CNTNAP5: variants seen among roughly 807,000 people sequenced by gnomAD.
The protein encoded by CNTNAP5 is contactin-associated protein-like 5.
A neutral mutation model predicts 150.2 loss-of-function variants in CNTNAP5; 72 were observed. That is an observed-to-expected ratio of 0.48 (90% CI 0.40 to 0.58). The LOEUF is 0.58. CNTNAP5 is among the 20% of genes least tolerant of loss of function. CNTNAP5 has a pLI of 0.00. For synonymous variants in CNTNAP5, 672 were observed against 619.8 expected, an observed-to-expected ratio of 1.08 and a Z score of -1.25; for missense variants, 1,636 against 1,626.2, an observed-to-expected ratio of 1.01 and a Z score of -0.10.
chr2:124,080,435 G>A (rs1022363598), intron 1 of CNTNAP5, among the ~76,000 whole-genome samples: 14 of 152,058 alleles, frequency 9.2e-5, no homozygotes, highest in East Asian at 1.9e-4. Context: ...TATACCTTCC[G>A]GCTCAGAAAG....
chr2:124,314,268 A>G (rs1688905265), intron 3 of CNTNAP5, among the ~76,000 whole-genome samples: 1 of 152,156 alleles, frequency 6.6e-6, no homozygotes, highest in Non-Finnish European at 1.5e-5. Flanking sequence ...TCCGTGTTTC[A>G]CAACCTGCAG....
chr2:124,621,025 G>A (rs1036397277), intron 12 of CNTNAP5, among the ~76,000 whole-genome samples: 1 of 152,030 alleles, frequency 6.6e-6, no homozygotes, highest in Non-Finnish European at 1.5e-5. Context: ...TTTCTGCTGG[G>A]ACTCCTTCAA....
chr2:124,417,191 G>T (rs1438284765), intron 3 of CNTNAP5, among the ~76,000 whole-genome samples: 1 of 151,942 alleles, frequency 6.6e-6, no homozygotes, highest in African/African-American at 2.4e-5. Context: ...GCTTGCCTCA[G>T]CCTCCCAAAG....
At chr2:124,546,927 C>A (rs1185521778) in intron 10 of CNTNAP5, among the ~76,000 whole-genome samples, 1 of 152,102 alleles carries the variant, frequency 6.6e-6, no homozygotes. Flanking sequence ...GATAAGCTAG[C>A]ACCAAGTCCA....
chr2:124,510,348 A>AACACAC (rs3039130), intron 8 of CNTNAP5, among the ~76,000 whole-genome samples: 8,399 of 68,146 alleles, frequency 0.12, 766 homozygotes, highest in East Asian at 0.19. Context: ...TCCATATGTC[A>AACACAC]ACACACACAC....
intron 1 of CNTNAP5, among the ~76,000 whole-genome samples, chr2:124,042,041 A>G (rs1214716386): frequency 6.6e-6 from 1 of 152,086 alleles, no homozygotes; most frequent in African/African-American, 2.4e-5. Flanking sequence ...CTGTATTTTC[A>G]GTAGAGAAGG....
At chr2:124,461,621 T>A (rs2104821347) in intron 6 of CNTNAP5, among the ~76,000 whole-genome samples, 1 of 151,918 alleles carries the variant, frequency 6.6e-6, no homozygotes, top group East Asian at 2.0e-4. Context: ...GGCACATGTA[T>A]ACATATATAA....
chr2:124,433,701 GA>G (rs952728118), intron 4 of CNTNAP5, among the ~76,000 whole-genome samples: 9 of 149,078 alleles, frequency 6.0e-5, no homozygotes, highest in South Asian at 2.1e-4. Flanking sequence ...TAAAAAAATA[GA>G]AAAAAAAACC....
intron 18 of CNTNAP5, among the ~76,000 whole-genome samples, chr2:124,794,984 A>T (rs1384152426): frequency 6.6e-6 from 1 of 151,990 alleles, no homozygotes; most frequent in Admixed American, 6.6e-5. Flanking sequence ...AATTTGTTTG[A>T]TTTTATCTAA....
chr2:124,671,187 AT>A (rs1376498964), intron 13 of CNTNAP5, among the ~76,000 whole-genome samples: 11 of 152,238 alleles, frequency 7.2e-5, no homozygotes, highest in Non-Finnish European at 1.5e-4. Flanking sequence ...CTACCAAGAA[AT>A]GTTTAGAAAG....
At chr2:124,189,330 C>A (rs1357717546) in intron 1 of CNTNAP5, among the ~76,000 whole-genome samples, 3 of 152,072 alleles carry the variant, frequency 2.0e-5, no homozygotes, top group Admixed American at 6.6e-5. Flanking sequence ...CATTTCTAAG[C>A]CTTGCTAGCC....
chr2:124,566,397 C>G (rs530556659), intron 11 of CNTNAP5, among the ~76,000 whole-genome samples: 1 of 152,018 alleles, frequency 6.6e-6, no homozygotes, highest in Admixed American at 6.6e-5. Context: ...TTACTTCATC[C>G]ATCAGGCTAA....
chr2:124,862,044 C>T (rs1288202309), intron 19 of CNTNAP5, among the ~76,000 whole-genome samples: 2 of 152,182 alleles, frequency 1.3e-5, no homozygotes, highest in Non-Finnish European at 2.9e-5. Flanking sequence ...GAACTCCTGA[C>T]CTCAGGTGAT....
chr2:124,584,435 A>C (rs771903917), intron 11 of CNTNAP5, among the ~76,000 whole-genome samples: 3 of 152,180 alleles, frequency 2.0e-5, no homozygotes, highest in Non-Finnish European at 4.4e-5. Flanking sequence ...GGTATCTCAT[A>C]TTGCATTAAC....
chr2:124,174,185 TA>T (rs1428767244), intron 1 of CNTNAP5, among the ~76,000 whole-genome samples: 8 of 152,014 alleles, frequency 5.3e-5, no homozygotes, highest in Admixed American at 5.2e-4. Context: ...AGATCTCTGA[TA>T]AAAATGTTCA....
chr2:124,489,271 G>A (rs902971085), intron 7 of CNTNAP5, among the ~76,000 whole-genome samples: 4 of 152,130 alleles, frequency 2.6e-5, no homozygotes, highest in African/African-American at 9.7e-5. Flanking sequence ...CACAGTTCTG[G>A]AAGCTGGAAG....
intron 4 of CNTNAP5, among the ~76,000 whole-genome samples, chr2:124,422,832 T>C (rs1692140941): frequency 6.6e-6 from 1 of 152,144 alleles, no homozygotes; most frequent in African/African-American, 2.4e-5. Context: ...GCTTTTAACA[T>C]ACCTACTCTG....
chr2:124,723,634 A>G (rs1161363400), intron 13 of CNTNAP5, among the ~76,000 whole-genome samples: 1 of 152,110 alleles, frequency 6.6e-6, no homozygotes, highest in Non-Finnish European at 1.5e-5. Context: ...CACAGTTCTT[A>G]AAGTTAGAGG....
intron 3 of CNTNAP5, among the ~76,000 whole-genome samples, chr2:124,336,986 C>T (rs1689489239): frequency 1.3e-5 from 2 of 152,134 alleles, no homozygotes; most frequent in Non-Finnish European, 2.9e-5. Context: ...TTTACAGTCC[C>T]ACCAACAGTG....
Sources: allele counts gnomAD v4.1 joint callset (sites outside exome capture counted in the v4.1 genomes callset), GRCh38; gene constraint gnomAD v4.1.1; transcripts MANE v1.5; gene names NCBI Gene and HGNC (gene_info 2026-07-23, HGNC 2026-07-21).